Variants in FBN2 observed in about 807,000 individuals in gnomAD.
The protein encoded by FBN2 is fibrillin-2.
A neutral mutation model predicts 355.6 loss-of-function variants in FBN2; 105 were observed. The ratio of observed to expected loss-of-function variants is 0.30; its 90% CI spans 0.25 to 0.35. The LOEUF (loss-of-function observed/expected upper bound fraction) is 0.35, where lower values mean the gene tolerates loss of function less well. Among genes scored for constraint, FBN2 ranks in the 10% least tolerant of loss-of-function variants. FBN2 has a pLI of 1.00. For missense variants in FBN2, 3,280 were observed against 3,758.7 expected, an observed-to-expected ratio of 0.87 and a Z score of 3.33; for synonymous variants, 1,350 against 1,301.2, an observed-to-expected ratio of 1.04 and a Z score of -0.81.
chr5:128,498,959 T>A (rs1430063040), intron 5 of FBN2, among the ~76,000 whole-genome samples: 1 of 152,214 alleles, frequency 6.6e-6, no homozygotes, highest in Admixed American at 6.5e-5. Flanking sequence ...ATTCTACATA[T>A]TATTTTTAAA....
At chr5:128,405,108 T>C (rs1752891773) in intron 8 of FBN2, among the ~76,000 whole-genome samples, 1 of 152,060 alleles carries the variant, frequency 6.6e-6, no homozygotes, top group South Asian at 2.1e-4. Flanking sequence ...GAGGCAGAGG[T>C]TGCAGCAAGC....
intron 10 of FBN2, 35 bp downstream of exon 10, chr5:128,393,100 A>C: frequency 6.7e-7 from 1 of 1,493,858 alleles, no homozygotes; most frequent in Non-Finnish European, 9.3e-7. Flanking sequence ...TTGAGGCAGG[A>C]AACTAAAGAG....
intron 23 of FBN2, among the ~76,000 whole-genome samples, chr5:128,345,932 T>G (rs1751170924): frequency 6.6e-6 from 1 of 152,234 alleles, no homozygotes. Context: ...TTGCTTCAAG[T>G]GCCTTTTAAG....
At chr5:128,284,776 C>T (rs1042261399) in intron 55 of FBN2, among the ~76,000 whole-genome samples, 2 of 152,194 alleles carry the variant, frequency 1.3e-5, no homozygotes, top group Admixed American at 6.5e-5. Flanking sequence ...CCGGCAGTCT[C>T]CATGTCTAGA....
intron 20 of FBN2, among the ~76,000 whole-genome samples, chr5:128,353,143 G>A (rs1239655919): frequency 6.6e-6 from 1 of 151,890 alleles, no homozygotes; most frequent in Non-Finnish European, 1.5e-5. Flanking sequence ...ATTCTAGCCT[G>A]GGTGACACAG....
intron 62 of FBN2, among the ~76,000 whole-genome samples, chr5:128,264,471 T>C (rs1446857895): frequency 6.6e-6 from 1 of 152,228 alleles, no homozygotes; most frequent in Non-Finnish European, 1.5e-5. Context: ...TATAAATACC[T>C]GGTAGCAGGA....
chr5:128,455,485 G>C (rs1754355366), intron 6 of FBN2, among the ~76,000 whole-genome samples: 1 of 152,116 alleles, frequency 6.6e-6, no homozygotes, highest in African/African-American at 2.4e-5. Flanking sequence ...CAGAATGTTA[G>C]CATGGCAACA....
chr5:128,381,198 C>T (rs576636516), intron 11 of FBN2, among the ~76,000 whole-genome samples: 2 of 152,126 alleles, frequency 1.3e-5, no homozygotes, highest in South Asian at 4.2e-4. Flanking sequence ...CTTATACAGA[C>T]ACTAGGAGAG....
chr5:128,330,561 A>G lies in FBN2; in HGVS notation c.4345+12T>C. 1.2e-6 allele frequency: 2 copies of G among 1,613,952 alleles called. No individual in the cohort carries two copies. The highest frequency in any genetic ancestry group is 1.7e-6 in the Non-Finnish European group (2 of 1,179,814). ...CCATCCCGTCAGAGCACACCTCAGG[A>G]CTGTCACCCACCTGAGCAGGTAAAG... On this transcript the variant is annotated intron_variant, in intron 33 of 64. Transcript: ENST00000262464.
At chr5:128,432,848 G>C (rs1320838676) in intron 7 of FBN2, among the ~76,000 whole-genome samples, 1 of 152,090 alleles carries the variant, frequency 6.6e-6, no homozygotes, top group Non-Finnish European at 1.5e-5. Context: ...TAATTTACTT[G>C]TAGTTCTGTA....
Position 128,278,153 on chromosome 5 carries a change from G to C in FBN2, c.7346-148C>G, listed in dbSNP as rs1046483284. 4.7e-5 allele frequency: 37 copies of C among 790,186 alleles called. No homozygotes were observed. In the African/African-American group the frequency reaches 5.1e-4, roughly 11 times the overall value. The allele number at this position is 790,186 out of a possible 1,614,324, so 48.9% of individuals were successfully genotyped here. On this transcript the variant is annotated intron_variant, in intron 57 of 64. Transcript: ENST00000262464. ...ACTGGAGCACCTGTTCATCATTCAG[G>C]TGAACAGCAACATGGATGTGATGGA...
chr5:128,308,920 C>G (rs1450795076), intron 41 of FBN2, among the ~76,000 whole-genome samples: 3 of 152,180 alleles, frequency 2.0e-5, no homozygotes, highest in African/African-American at 7.2e-5. Flanking sequence ...ACAGTAGTTA[C>G]TCAAGAAATA....
chr5:128,263,768 C>A, intron 62 of FBN2, 112 bp from the exon 63 acceptor site: 2 of 694,640 alleles, frequency 2.9e-6, no homozygotes, highest in Non-Finnish European at 4.9e-6. Flanking sequence ...AACTCTAACA[C>A]AGTATTTTAT....
rs1452397694 is a variant in FBN2, at chr5:128,494,909, T to C, written c.628+24364A>G. On this transcript the variant is annotated intron_variant, in intron 5 of 64. Transcript: ENST00000262464. ...GATATGTGAAGAAACAGAAAGTGTG[T>C]CCATAGTACACAGGAAAAAAAGCAA... Among the ~76,000 whole-genome samples, 6 of 152,216 alleles carry C rather than the reference T, an allele frequency of 3.9e-5. No homozygotes were observed. In the East Asian group the frequency reaches 1.2e-3, roughly 29 times the overall value.
chr5:128,398,515 A>C (rs1234717960), intron 8 of FBN2, among the ~76,000 whole-genome samples: 1 of 152,092 alleles, frequency 6.6e-6, no homozygotes, highest in African/African-American at 2.4e-5. Context: ...GAAATGAAAT[A>C]AAGTATCTGA....
intron 63 of FBN2, among the ~76,000 whole-genome samples, chr5:128,262,993 G>A (rs1222443601): frequency 6.6e-6 from 1 of 152,104 alleles, no homozygotes; most frequent in Admixed American, 6.5e-5. Context: ...GCAAAGAAAG[G>A]GACAAACTCC....
chr5:128,359,677 G>C (rs1267589667), intron 19 of FBN2, among the ~76,000 whole-genome samples: 1 of 152,052 alleles, frequency 6.6e-6, no homozygotes, highest in East Asian at 1.9e-4. Context: ...CTCAGATTAA[G>C]TATGCTTGTA....
intron 62 of FBN2, among the ~76,000 whole-genome samples, chr5:128,267,304 T>C (rs1054254444): frequency 3.9e-5 from 6 of 152,298 alleles, no homozygotes; most frequent in South Asian, 2.1e-4. Flanking sequence ...GTCTTTATAG[T>C]AGAATGATCT....
chr5:128,382,329 A>C (rs1250540561), intron 11 of FBN2, among the ~76,000 whole-genome samples: 1 of 152,056 alleles, frequency 6.6e-6, no homozygotes, highest in East Asian at 1.9e-4. Context: ...TTATTTTGCT[A>C]TCTCTCTAAC....
Sources: gnomAD v4.1 joint callset for allele counts (sites outside exome capture counted in the v4.1 genomes callset) on GRCh38, gnomAD v4.1.1 for gene constraint, MANE v1.5 for transcripts, NCBI Gene and HGNC (gene_info 2026-07-23, HGNC 2026-07-21) for gene names.